DPH6: variants seen among roughly 807,000 people sequenced by gnomAD.
DPH6 encodes diphthine--ammonia ligase.
In DPH6, 33 loss-of-function variants were observed where a neutral mutation model predicts 38.2. The observed-to-expected ratio is 0.86, with a 90% CI of 0.65 to 1.15. The LOEUF is 1.15. Among genes scored for constraint, DPH6 ranks in the 50% most tolerant of loss-of-function variants. The pLI, the probability that DPH6 is intolerant of heterozygous loss-of-function variation, is 0.00. For missense variants in DPH6, 325 were observed against 320.0 expected, an observed-to-expected ratio of 1.02 and a Z score of -0.12; for synonymous variants, 108 against 103.0, an observed-to-expected ratio of 1.05 and a Z score of -0.30.
intron 3 of DPH6, among the ~76,000 whole-genome samples, chr15:35,350,351 G>A (rs1291224411): frequency 6.8e-6 from 1 of 148,146 alleles, no homozygotes; most frequent in East Asian, 2.0e-4. Context: ...TCTAGCTAAG[G>A]GTTTGTTGCT....
chr15:35,525,564 C>T (rs142144469), intron 3 of DPH6, among the ~76,000 whole-genome samples: 76 of 152,228 alleles, frequency 5.0e-4, no homozygotes, highest in Middle Eastern at 3.4e-3. Flanking sequence ...GGCTACAAGG[C>T]TTTCTGAAAG....
At chr15:35,245,615 C>T (rs907856597) in intron 3 of DPH6, among the ~76,000 whole-genome samples, 5 of 152,130 alleles carry the variant, frequency 3.3e-5, no homozygotes, top group African/African-American at 1.2e-4. Context: ...AGAGGGAAAG[C>T]ATTATCTAAG....
chr15:35,200,744 AT>A, the DPH6 span, among the ~76,000 whole-genome samples: 1 of 152,082 alleles, frequency 6.6e-6, no homozygotes, highest in South Asian at 2.1e-4. Flanking sequence ...AAAGAAAAAA[AT>A]AATAAAAATA....
the DPH6 span, among the ~76,000 whole-genome samples, chr15:35,150,131 A>G: frequency 1.3e-5 from 2 of 152,184 alleles, no homozygotes; most frequent in Admixed American, 6.5e-5. Flanking sequence ...TACATAAGGG[A>G]CCAGCAAATT....
intron 3 of DPH6, among the ~76,000 whole-genome samples, chr15:35,324,152 T>A (rs1408246951): frequency 6.6e-6 from 1 of 152,140 alleles, no homozygotes; most frequent in Non-Finnish European, 1.5e-5. Context: ...GTTGTGAGGA[T>A]AAATGAGTTA....
chr15:35,486,486 G>C (rs1381102277), intron 3 of DPH6, among the ~76,000 whole-genome samples: 1 of 152,128 alleles, frequency 6.6e-6, no homozygotes. Flanking sequence ...TGGCAGCAGA[G>C]AGAAAGCAAG....
intron 3 of DPH6, among the ~76,000 whole-genome samples, chr15:35,464,139 C>G (rs2054098632): frequency 6.6e-6 from 1 of 151,768 alleles, no homozygotes; most frequent in Non-Finnish European, 1.5e-5. Context: ...ACTAAAAATA[C>G]AAAAATTATC....
At position 35,373,572 on chromosome 15, in the gene DPH6, T is replaced by A. The variant is rs760540079; in HGVS notation, c.699A>T (p.Ala233=). 4 of 1,609,220 alleles carry A rather than the reference T, an allele frequency of 2.5e-6. No individual in the cohort carries two copies. In the South Asian group the frequency reaches 4.4e-5, roughly 18 times the overall value. The change falls in exon 8 of 9, where the codon GCA becomes GCT. Residue 233 remains alanine, a synonymous_variant. Coordinates refer to ENST00000256538, the MANE Select transcript of DPH6 (RefSeq NM_080650.4). ...SSEVVIHSAD[A]FAPVAYLRFL... ...AGCGTAGATAAGCCACAGGTGCAAATGCATCAGCTGAATGTATGACTACTT... is the reference window on the plus strand; with the variant it reads ...AGCGTAGATAAGCCACAGGTGCAAAAGCATCAGCTGAATGTATGACTACTT...
chr15:35,282,261 T>C (rs538808976), intron 3 of DPH6, among the ~76,000 whole-genome samples: 78 of 152,272 alleles, frequency 5.1e-4, no homozygotes, highest in African/African-American at 1.4e-3. Flanking sequence ...AGCCTGGAAC[T>C]CCTGGGCCCA....
At chr15:35,258,092 C>T (rs1330535768) in intron 3 of DPH6, among the ~76,000 whole-genome samples, 1 of 152,106 alleles carries the variant, frequency 6.6e-6, no homozygotes, top group Admixed American at 6.6e-5. Flanking sequence ...CAATACTGGA[C>T]CAACCCTTAT....
chr15:35,181,306 C>T, the DPH6 span, among the ~76,000 whole-genome samples: 2 of 151,852 alleles, frequency 1.3e-5, no homozygotes, highest in African/African-American at 2.4e-5. Context: ...ATTCTTTCTC[C>T]TTTGCCTCCC....
the DPH6 span, among the ~76,000 whole-genome samples, chr15:35,177,153 CT>C: frequency 2.0e-5 from 3 of 152,074 alleles, no homozygotes; most frequent in African/African-American, 7.2e-5. Flanking sequence ...TTCTGGTAAT[CT>C]GAAAATGGCC....
At chr15:35,298,761 G>T in intron 3 of DPH6, 1 of 1,431,952 alleles carries the variant, frequency 7.0e-7, no homozygotes, top group Non-Finnish European at 9.8e-7. Flanking sequence ...AAGTTAGCGA[G>T]GAAGGAGTTG....
chr15:35,327,315 T>TA (rs2052290664), downstream of DPH6, among the ~76,000 whole-genome samples: 1 of 151,064 alleles, frequency 6.6e-6, no homozygotes, highest in African/African-American at 2.4e-5. Flanking sequence ...AAGTACTGAC[T>TA]AAAATTTCTA....
At chr15:35,394,224 C>T (rs1400017041) in intron 6 of DPH6, among the ~76,000 whole-genome samples, 1 of 152,112 alleles carries the variant, frequency 6.6e-6, no homozygotes, top group Non-Finnish European at 1.5e-5. Context: ...GCTGCTAATA[C>T]TATCACTACT....
At chr15:35,182,600 T>C in the DPH6 span, among the ~76,000 whole-genome samples, 1 of 152,150 alleles carries the variant, frequency 6.6e-6, no homozygotes, top group South Asian at 2.1e-4. Flanking sequence ...ACAATACTTA[T>C]CTGATTATTT....
chr15:35,219,195 T>C (rs2051427844), exon 4 of DPH6: 1 of 152,210 alleles, frequency 6.6e-6, no homozygotes, highest in African/African-American at 2.4e-5. Context: ...ACAGCCTCTA[T>C]GCTGAAATGC....
the DPH6 span, among the ~76,000 whole-genome samples, chr15:35,152,630 G>A: frequency 4.6e-5 from 7 of 152,132 alleles, no homozygotes; most frequent in African/African-American, 9.7e-5. Context: ...CTCCCAAGTA[G>A]CTAGGACTAC....
intron 5 of DPH6, among the ~76,000 whole-genome samples, chr15:35,428,238 T>C (rs1404207037): frequency 1.3e-5 from 2 of 152,082 alleles, no homozygotes; most frequent in Admixed American, 6.6e-5. Flanking sequence ...GAATACTATA[T>C]GCTTATCCAA....
Sources: allele counts gnomAD v4.1 joint callset (sites outside exome capture counted in the v4.1 genomes callset), GRCh38; gene constraint gnomAD v4.1.1; transcripts MANE v1.5; gene names NCBI Gene and HGNC (gene_info 2026-07-23, HGNC 2026-07-21).